The following BRF1 variants were observed in gnomAD, a reference collection of about 807,000 sequenced individuals.
BRF1 encodes BRF1 general transcription factor IIIB subunit.
A neutral mutation model predicts 81.7 loss-of-function variants in BRF1; 59 were observed. The ratio of observed to expected loss-of-function variants is 0.72; its 90% CI spans 0.59 to 0.90. BRF1 has a LOEUF of 0.90. Ranked by LOEUF, BRF1 falls within the 40% of genes least tolerant of loss-of-function variation. The pLI is 0.00. For synonymous variants in BRF1, 491 were observed against 395.6 expected, an observed-to-expected ratio of 1.24 and a Z score of -2.86; for missense variants, 1,050 against 936.3, an observed-to-expected ratio of 1.12 and a Z score of -1.58.
At chr14:105,263,218 C>T (rs940216648) in intron 3 of BRF1, among the ~76,000 whole-genome samples, 1 of 120,172 alleles carries the variant, frequency 8.3e-6, no homozygotes, top group African/African-American at 3.3e-5. Flanking sequence ...GCCTGGGCAA[C>T]AGAGTAAGAC....
At chr14:105,211,079 T>C (rs755549098) in intron 17 of BRF1, 43 bp downstream of exon 17, 1 of 1,605,878 alleles carries the variant, frequency 6.2e-7, no homozygotes, top group Non-Finnish European at 8.5e-7. Context: ...AGCTGATGCC[T>C]TTATTTCCCT....
intron 5 of BRF1, chr14:105,241,726 C>T: frequency 2.3e-6 from 1 of 429,604 alleles, no homozygotes; most frequent in Non-Finnish European, 4.4e-6. Flanking sequence ...AGCCTTCCCT[C>T]CAGACCATGC....
intron 10 of BRF1, 170 bp from the exon 11 acceptor site, chr14:105,222,084 C>T (rs887017690): frequency 2.3e-5 from 17 of 743,272 alleles, no homozygotes; most frequent in South Asian, 6.8e-5. Flanking sequence ...TCGCACTGCA[C>T]GCGGAAGTTA....
intron 1 of BRF1, among the ~76,000 whole-genome samples, chr14:105,313,466 AAC>A (rs1048606534): frequency 2.0e-5 from 3 of 152,224 alleles, no homozygotes; most frequent in African/African-American, 2.4e-5. Flanking sequence ...GCGCGTGGGA[AAC>A]ACAGAGTCCC....
At chr14:105,253,990 G>A (rs1203747053) in intron 4 of BRF1, among the ~76,000 whole-genome samples, 1 of 152,188 alleles carries the variant, frequency 6.6e-6, no homozygotes, top group Non-Finnish European at 1.5e-5. Context: ...TCATGTATGA[G>A]TGCCCCAGCC....
In BRF1 at chr14:105,300,857, G is replaced by A; in HGVS notation, c.-228C>T. 5.7e-6 allele frequency: 1 copy of A among 174,924 alleles called. No homozygotes were observed. Among genetic ancestry groups the A allele is most frequent in the Non-Finnish European group, 1.2e-5 (1 of 84,590 alleles). 10.8% of individuals were successfully genotyped at this position (174,924 alleles called of 1,614,324 possible). A position where few individuals can be genotyped will look rare whatever the true frequency, so the allele number is the denominator to read the frequency against. On this transcript the variant is annotated 5_prime_UTR_variant, in exon 1 of 18. Coordinates refer to ENST00000547530, the MANE Select transcript of BRF1 (RefSeq NM_001519.4). ...GGACAGGCACCGGGACCACGGCGGG[G>A]ACGCGAGGACTGGAGCCGCGACCTC...
rs775262657 is a variant in BRF1 at position 105,286,284 on chromosome 14, G to A, written c.265+12C>T. 1.2e-5 allele frequency: 19 copies of A among 1,610,652 alleles called. No homozygotes were observed. Among genetic ancestry groups the A allele is most frequent in the Non-Finnish European group, 1.4e-5 (17 of 1,178,692 alleles). ...CCGCCGCACGCTCAGCAGCATCCGC[G>A]GTGGGAAATACCATTCTGCAGGGTC... is the stretch of plus-strand genomic sequence containing the variant. On this transcript the variant is annotated intron_variant, in intron 2 of 17. Coordinates refer to ENST00000547530, the MANE Select transcript of BRF1 (RefSeq NM_001519.4).
At chr14:105,249,634 G>A (rs748632237) in intron 5 of BRF1, 25 of 1,601,984 alleles carry the variant, frequency 1.6e-5, no homozygotes, top group East Asian at 4.5e-5. Flanking sequence ...GCCCTGCCTC[G>A]CCTAGGTACA....
In BRF1 at chr14:105,262,922, T is replaced by C. The variant is rs587676936; in HGVS notation, c.440-6373A>G. On this transcript the variant is annotated intron_variant, in intron 3 of 17. Transcript: ENST00000547530. ...GAGTTCAAGACCAGCCTGGACAACA[T>C]AGCAAGACCCCATCTCCATTTAAAA... is the stretch of plus-strand genomic sequence containing the variant. Among the ~76,000 whole-genome samples the C allele has an allele frequency of 3.0e-4, 45 of 150,468 alleles. No homozygotes were observed. In the East Asian group the frequency reaches 4.7e-3, roughly 16 times the overall value.
chr14:105,272,888 C>A lies in BRF1; in HGVS notation c.272G>T (p.Arg91Leu). The A allele has an allele frequency of 1.9e-6, 3 of 1,611,664 alleles. No individual in the cohort carries two copies. Among genetic ancestry groups the A allele is most frequent in the Non-Finnish European group, 2.5e-6 (3 of 1,178,656 alleles). The change falls in exon 3 of 18, where the codon CGC becomes CTC. Residue 91 changes from arginine to leucine, a missense_variant. Transcript: ENST00000547530. ...SRAQTLQNGR[R>L]HIHHLGNQLQ... is the part of the protein sequence containing the mutation. ...CTGGTTCCCCAGGTGGTGGATGTGGCGCCTCCCTAGGACACAGCACGAGGC... is the reference window on the plus strand; with the variant it reads ...CTGGTTCCCCAGGTGGTGGATGTGGAGCCTCCCTAGGACACAGCACGAGGC...
intron 5 of BRF1, chr14:105,248,576 G>C (rs927035755): frequency 8.8e-6 from 8 of 913,504 alleles, no homozygotes; most frequent in Non-Finnish European, 9.1e-6. Flanking sequence ...GGCTCGGGCG[G>C]GCGGGCGGGC....
chr14:105,225,746 C>G (rs986872097), intron 10 of BRF1, among the ~76,000 whole-genome samples: 17 of 152,046 alleles, frequency 1.1e-4, no homozygotes, highest in African/African-American at 4.1e-4. Context: ...TTCCCAGGTT[C>G]AAATGATTAT....
chr14:105,269,395 G>C lies in BRF1; in HGVS notation c.439+3326C>G, dbSNP rs1595432846. ...GTTCCAAGCTGTCTTGTCCTTAGCA[G>C]CTTTATAAGGTACAAGTTTGTGCCA... On this transcript the variant is annotated intron_variant, in intron 3 of 17. Transcript: ENST00000547530. This position sits in a 1 kb window ranked among gnomAD's most constrained non-coding sequence, Gnocchi z 5.0. Among the ~76,000 whole-genome samples the C allele has an allele frequency of 3.3e-5, 5 of 152,296 alleles. 1 individual carries two copies. The highest frequency in any genetic ancestry group is 3.3e-4 in the Admixed American group (5 of 15,294).
chr14:105,307,117 T>G (rs755590227), intron 1 of BRF1, among the ~76,000 whole-genome samples: 50 of 151,194 alleles, frequency 3.3e-4, no homozygotes, highest in Non-Finnish European at 6.6e-4. Context: ...TGATCATAGC[T>G]CACTGTCGTC....
intron 4 of BRF1, among the ~76,000 whole-genome samples, chr14:105,254,205 G>A (rs1376307457): frequency 6.6e-6 from 1 of 152,216 alleles, no homozygotes; most frequent in Non-Finnish European, 1.5e-5. Context: ...GCCTTTACAT[G>A]GAAACTCACG....
rs199562004 is a variant in BRF1, at chr14:105,222,116, TA to T, written c.1049-203del. The T allele has an allele frequency of 2.0e-3, 1,121 of 564,118 alleles. 9 individuals carry two copies. The highest frequency in any genetic ancestry group is 0.018 in the African/African-American group (921 of 50,480). The allele number at this position is 564,118 out of a possible 1,614,324, so 34.9% of individuals were successfully genotyped here. ...GTTAGCTCAAAGCAGATCACAGACC[TA>T]GGGGGAGAGTTAAAGTACAGACATT... On this transcript the variant is annotated intron_variant, in intron 10 of 17. Coordinates refer to ENST00000547530, the MANE Select transcript of BRF1 (RefSeq NM_001519.4).
intron 5 of BRF1, chr14:105,251,238 G>C (rs1012039806): frequency 1.3e-5 from 2 of 156,254 alleles, no homozygotes; most frequent in African/African-American, 4.8e-5. Context: ...CCCCAGTGAA[G>C]CCCATCTGTC....
In BRF1 at chr14:105,211,254, C is replaced by T. The variant is rs1890071010; in HGVS notation, c.1864G>A (p.Ala622Thr). The T allele has an allele frequency of 6.2e-7, 1 of 1,608,436 alleles. No homozygotes were observed. The highest frequency in any genetic ancestry group is 1.3e-5 in the African/African-American group (1 of 74,988). ...PSSPTLGAEP[A>T]RPQAVLVESG... is the part of the protein sequence containing the mutation. ...TCCACCAGCACCGCCTGGGGCCTGG[C>T]AGGCTCAGCTCCGAGGGTGGGAGAG... Residue 622 changes from alanine to threonine, a missense_variant, in exon 17 of 18, where the codon GCC becomes ACC. Physicochemically the swap from Ala to Thr is moderately conservative, Grantham distance 58. Coordinates refer to ENST00000547530, the MANE Select transcript of BRF1 (RefSeq NM_001519.4).
At chr14:105,305,527 G>A (rs192069864), upstream of BRF1, among the ~76,000 whole-genome samples, 50 of 152,314 alleles carry the variant, frequency 3.3e-4, no homozygotes, top group East Asian at 1.9e-4. Context: ...CACCAGACAC[G>A]GCATCTGCCA....
Sources: gnomAD v4.1 joint callset for allele counts (sites outside exome capture counted in the v4.1 genomes callset) on GRCh38, gnomAD v4.1.1 for gene constraint, Gnocchi (gnomAD v3.1) non-coding constraint, MANE v1.5 for transcripts, NCBI Gene and HGNC (gene_info 2026-07-23, HGNC 2026-07-21) for gene names.